Variants in ATP6V0A1 observed in about 807,000 individuals in gnomAD.
ATP6V0A1 encodes ATPase H+ transporting V0 subunit a1, also known as V-type proton ATPase 116 kDa subunit a 1.
Under a neutral mutation model 105.4 loss-of-function variants are expected in ATP6V0A1, and 43 were observed. The observed-to-expected ratio is 0.41, with a 90% CI of 0.32 to 0.53. ATP6V0A1 has a LOEUF of 0.53. ATP6V0A1 is among the 20% of genes least tolerant of loss of function. ATP6V0A1 has a pLI of 0.30. For missense variants in ATP6V0A1, 676 were observed against 1,051.1 expected, an observed-to-expected ratio of 0.64 and a Z score of 4.93; for synonymous variants, 362 against 372.8, an observed-to-expected ratio of 0.97 and a Z score of 0.33.
intron 9 of ATP6V0A1, among the ~76,000 whole-genome samples, chr17:42,484,193 G>A (rs1223003493): frequency 6.6e-6 from 1 of 151,926 alleles, no homozygotes; most frequent in Non-Finnish European, 1.5e-5. Flanking sequence ...GAGTAGCTGG[G>A]ACTACAGGGG....
rs1163927057 is a variant in ATP6V0A1 at position 42,490,492 on chromosome 17, CAG to C, written c.1030_1031del (p.Ser344TrpfsTer21). 1 of 1,596,130 alleles carries C rather than the reference CAG, an allele frequency of 6.3e-7. No individual in the cohort carries two copies. Among genetic ancestry groups the C allele is most frequent in the Non-Finnish European group, 8.5e-7 (1 of 1,174,974 alleles). On this transcript the variant is annotated frameshift_variant, in exon 11 of 22. Transcript: ENST00000343619. LOFTEE classifies it high-confidence loss of function. ...AATGTGCTAATGTTTTTCAGGAACACAGTGGTTCCACTGTACCTTCCATTTTG... is the reference window on the plus strand; with the variant it reads ...AATGTGCTAATGTTTTTCAGGAACACTGGTTCCACTGTACCTTCCATTTTG... ...QFALRRGTEH[S>X]GSTVPSILNR...
intron 11 of ATP6V0A1, among the ~76,000 whole-genome samples, chr17:42,494,039 C>T (rs4796591): frequency 0.94 from 143,141 of 152,128 alleles, 68,003 homozygotes; most frequent in East Asian, 1. Context: ...AGGTCAGAGT[C>T]GGAGACCAGC....
intron 9 of ATP6V0A1, among the ~76,000 whole-genome samples, chr17:42,484,774 G>A (rs2089930282): frequency 6.6e-6 from 1 of 152,026 alleles, no homozygotes. Flanking sequence ...CCCAAAGGCA[G>A]TTCCTTTTGG....
chr17:42,469,316 G>A (rs1385662899), intron 4 of ATP6V0A1, among the ~76,000 whole-genome samples: 1 of 149,246 alleles, frequency 6.7e-6, no homozygotes, highest in Admixed American at 6.7e-5. Flanking sequence ...GACTTAGAAA[G>A]GAAAGACTTT....
At chr17:42,502,496 G>T (rs66941552) in intron 17 of ATP6V0A1, among the ~76,000 whole-genome samples, 87 of 150,220 alleles carry the variant, frequency 5.8e-4, no homozygotes, top group Admixed American at 2.7e-4. Flanking sequence ...TTCTGCGCGC[G>T]CACACACACA....
chr17:42,496,061 CAA>C (rs11352520), intron 14 of ATP6V0A1: 64 of 97,186 alleles, frequency 6.6e-4, no homozygotes, highest in South Asian at 2.0e-3. Context: ...GACTCCGTCT[CAA>C]AAAAAAAAAA....
intron 2 of ATP6V0A1, among the ~76,000 whole-genome samples, chr17:42,462,270 C>A (rs969105543): frequency 6.6e-6 from 1 of 151,672 alleles, no homozygotes; most frequent in Non-Finnish European, 1.5e-5. Flanking sequence ...ACCTATGTTT[C>A]TACTATCTGC....
chr17:42,472,237 A>G (rs986577732), intron 5 of ATP6V0A1, among the ~76,000 whole-genome samples: 4 of 151,408 alleles, frequency 2.6e-5, no homozygotes, highest in African/African-American at 7.3e-5. Context: ...TATTTTCAGT[A>G]GAGACAGCGT....
At chr17:42,507,104 C>G (rs184492714) in intron 17 of ATP6V0A1, among the ~76,000 whole-genome samples, 24 of 152,324 alleles carry the variant, frequency 1.6e-4, no homozygotes, top group Admixed American at 9.2e-4. Context: ...ACTTGGCCCC[C>G]CTTCCTCTTA....
intron 2 of ATP6V0A1, among the ~76,000 whole-genome samples, chr17:42,465,225 C>A (rs1047775168): frequency 6.6e-6 from 1 of 151,578 alleles, no homozygotes; most frequent in African/African-American, 2.4e-5. Flanking sequence ...AACTCCTGAG[C>A]TCAGATAATC....
At chr17:42,482,963 C>A in intron 8 of ATP6V0A1, 75 bp from the exon 9 acceptor site, 2 of 962,540 alleles carry the variant, frequency 2.1e-6, no homozygotes, top group Non-Finnish European at 1.4e-6. Flanking sequence ...TTTGGTCCTT[C>A]TGGTACATTA....
intron 9 of ATP6V0A1, among the ~76,000 whole-genome samples, chr17:42,485,967 C>T (rs1483331894): frequency 6.6e-6 from 1 of 152,210 alleles, no homozygotes; most frequent in African/African-American, 2.4e-5. Context: ...AGGAAGTCAC[C>T]TTCCTCTGCC....
At chr17:42,467,585 T>A (rs952135737) in intron 3 of ATP6V0A1, among the ~76,000 whole-genome samples, 2 of 152,248 alleles carry the variant, frequency 1.3e-5, no homozygotes, top group Non-Finnish European at 2.9e-5. Flanking sequence ...CCTTTAGATC[T>A]AGAGTTGTCT....
chr17:42,506,377 G>C (rs2092024908), intron 17 of ATP6V0A1, among the ~76,000 whole-genome samples: 3 of 152,256 alleles, frequency 2.0e-5, no homozygotes, highest in South Asian at 4.1e-4. Flanking sequence ...ACCACTGCTA[G>C]AGTAGGAGGG....
intron 14 of ATP6V0A1, 31 bp from the exon 15 acceptor site, chr17:42,498,893 A>G (rs1268025460): frequency 1.4e-6 from 2 of 1,403,136 alleles, no homozygotes; most frequent in Non-Finnish European, 2.0e-6. Context: ...AATTCTTTAT[A>G]ATACCTATTT....
intron 9 of ATP6V0A1, among the ~76,000 whole-genome samples, chr17:42,483,827 C>T (rs1191668328): frequency 6.6e-6 from 1 of 152,124 alleles, no homozygotes; most frequent in Non-Finnish European, 1.5e-5. Context: ...AGTGATCCTC[C>T]CACCTTGGCC....
rs2091013595 is a variant in ATP6V0A1 at position 42,494,900 on chromosome 17, T to C, written c.1315-134T>C. ...TGTCTCATTAGCATTGTATTTTGGT[T>C]TTTACTTCAAGCTCTCTGAATCAGG... is the stretch of plus-strand genomic sequence containing the variant. On this transcript the variant is annotated intron_variant, in intron 12 of 21. Transcript: ENST00000343619. 4.0e-6 allele frequency: 4 copies of C among 1,006,286 alleles called. No homozygotes were observed. The East Asian group carries it at 9.7e-5, about 24-fold the overall frequency. The allele number at this position is 1,006,286 out of a possible 1,614,324, so 62.3% of individuals were successfully genotyped here. A position where few individuals can be genotyped will look rare whatever the true frequency, so the allele number is the denominator to read the frequency against.
intron 17 of ATP6V0A1, among the ~76,000 whole-genome samples, chr17:42,503,675 G>A (rs1018673712): frequency 6.6e-5 from 10 of 152,136 alleles, no homozygotes; most frequent in Admixed American, 3.3e-4. Flanking sequence ...CTATGTGCTC[G>A]AAGCATATAC....
At chr17:42,484,118 C>T (rs980275680) in intron 9 of ATP6V0A1, among the ~76,000 whole-genome samples, 7 of 151,956 alleles carry the variant, frequency 4.6e-5, no homozygotes, top group African/African-American at 7.3e-5. Context: ...AGTGCAGTGG[C>T]GCGATCTCGG....
Sources: gnomAD v4.1 joint callset for allele counts (sites outside exome capture counted in the v4.1 genomes callset) on GRCh38, gnomAD v4.1.1 for gene constraint, MANE v1.5 for transcripts, NCBI Gene and HGNC (gene_info 2026-07-23, HGNC 2026-07-21) for gene names.